The following MIX23 variants were observed in gnomAD, a reference collection of about 807,000 sequenced individuals.
MIX23 encodes the protein protein MIX23.
Under a neutral mutation model 21.6 loss-of-function variants are expected in MIX23, and 13 were observed. The observed-to-expected ratio is 0.60, with a 90% CI of 0.39 to 0.96. The LOEUF is 0.96. MIX23 is among the 40% of genes least tolerant of loss of function. The pLI is 0.00. For missense variants in MIX23, 144 were observed against 171.2 expected, an observed-to-expected ratio of 0.84 and a Z score of 0.89; for synonymous variants, 59 against 58.0, an observed-to-expected ratio of 1.02 and a Z score of -0.08.
chr3:122,370,542 A>G (rs1428872680), intron 2 of MIX23, among the ~76,000 whole-genome samples: 18 of 151,716 alleles, frequency 1.2e-4, no homozygotes, highest in Non-Finnish European at 8.8e-5. Flanking sequence ...CAGATGTGAG[A>G]TTAATCTAGA....
In MIX23 at chr3:122,362,487, GT is replaced by G. The variant is rs561330350; in HGVS notation, c.384+480del. ...GCTAATTTTGTTTTGTTTTGTTTTG[GT>G]TTTTTTTTTTGGAGATGGAGTCTCA... On this transcript the variant is annotated intron_variant, in intron 4 of 4. Coordinates refer to ENST00000291458, the MANE Select transcript of MIX23 (RefSeq NM_001017928.4). Among the ~76,000 whole-genome samples the G allele has an allele frequency of 4.9e-3, 707 of 144,930 alleles. 3 individuals carry two copies. Among genetic ancestry groups the G allele is most frequent in the Admixed American group, 8.9e-3 (130 of 14,538 alleles).
At chr3:122,368,687 C>T (rs2075416056) in intron 2 of MIX23, among the ~76,000 whole-genome samples, 1 of 152,202 alleles carries the variant, frequency 6.6e-6, no homozygotes, top group African/African-American at 2.4e-5. Context: ...ATTCTACAAC[C>T]ACCCGCACAC....
intron 1 of MIX23, among the ~76,000 whole-genome samples, chr3:122,380,342 C>G (rs936755977): frequency 6.6e-6 from 1 of 152,158 alleles, no homozygotes; most frequent in Non-Finnish European, 1.5e-5. Flanking sequence ...AAAGCTCCCA[C>G]GGTGCTTCCC....
chr3:122,371,892 TTTACAA>T, intron 1 of MIX23, 92 bp from the exon 2 acceptor site: 1 of 1,067,750 alleles, frequency 9.4e-7, no homozygotes, highest in Non-Finnish European at 1.3e-6. Flanking sequence ...TCTTGGATAT[TTTACAA>T]TCCTTTAAGT....
chr3:122,371,647 A>T, intron 2 of MIX23, 28 bp downstream of exon 2: 1 of 1,610,572 alleles, frequency 6.2e-7, no homozygotes, highest in Non-Finnish European at 8.5e-7. Context: ...GGCATGAAAG[A>T]AGCAAAAGAC....
In MIX23 at chr3:122,361,655, C is replaced by A. The variant is rs190585311; in HGVS notation, c.384+1313G>T. ...AAACTTCTGCACTTGTTTTTTCAAG[C>A]CAGATGTTTCATTGTACCCCTTCCC... On this transcript the variant is annotated intron_variant, in intron 4 of 4. Coordinates refer to ENST00000291458, the MANE Select transcript of MIX23 (RefSeq NM_001017928.4). 8.1e-4 allele frequency among the ~76,000 whole-genome samples: 123 copies of A among 152,184 alleles called. 1 individual carries two copies. The Middle Eastern group carries it at 0.01, about 13-fold the overall frequency.
intron 1 of MIX23, among the ~76,000 whole-genome samples, chr3:122,378,163 G>A (rs1034231826): frequency 2.0e-5 from 3 of 152,222 alleles, no homozygotes; most frequent in Non-Finnish European, 4.4e-5. Context: ...AGGAACTAGA[G>A]TAGGTGTCAA....
intron 1 of MIX23, among the ~76,000 whole-genome samples, chr3:122,379,285 A>G (rs1025580512): frequency 2.0e-5 from 3 of 152,358 alleles, no homozygotes; most frequent in East Asian, 1.9e-4. Flanking sequence ...AGAACAGTGA[A>G]TGTTCTGTCC....
At position 122,359,627 on chromosome 3, in the gene MIX23, A is replaced by AT. The variant is rs139441254; in HGVS notation, c.*241_*242insA. On this transcript the variant is annotated 3_prime_UTR_variant, in exon 5 of 5. Coordinates refer to ENST00000291458, the MANE Select transcript of MIX23 (RefSeq NM_001017928.4). ...AGAAAATTATTTTAATAGTTACAAA[A>AT]ATTTTTTTTTTTTTTTTTTACAGAA... 29,954 of 253,268 alleles carry AT rather than the reference A, an allele frequency of 0.12. 1,508 individuals are homozygous for AT. Among genetic ancestry groups the AT allele is most frequent in the East Asian group, 0.24 (3,323 of 13,884 alleles). 15.7% of individuals were successfully genotyped at this position (253,268 alleles called of 1,614,324 possible).
intron 1 of MIX23, among the ~76,000 whole-genome samples, chr3:122,380,014 G>C (rs1001010870): frequency 2.0e-5 from 3 of 152,150 alleles, no homozygotes; most frequent in African/African-American, 4.8e-5. Context: ...ATTTAGTAGT[G>C]GGAAGGGGTA....
At chr3:122,376,665 C>T (rs2075489524) in intron 1 of MIX23, among the ~76,000 whole-genome samples, 1 of 152,112 alleles carries the variant, frequency 6.6e-6, no homozygotes, top group South Asian at 2.1e-4. Flanking sequence ...ATGTCCTTTG[C>T]AGCAACATGG....
At position 122,359,627 on chromosome 3, in the gene MIX23, A is replaced by ATTTTTT. The variant is rs139441254; in HGVS notation, c.*241_*242insAAAAAA. On this transcript the variant is annotated 3_prime_UTR_variant, in exon 5 of 5. Transcript: ENST00000291458. Reference sequence around the variant, plus strand: ...AGAAAATTATTTTAATAGTTACAAAAATTTTTTTTTTTTTTTTTTACAGAA... The same window carrying ATTTTTT: ...AGAAAATTATTTTAATAGTTACAAAATTTTTTATTTTTTTTTTTTTTTTTTACAGAA... 3 of 254,488 alleles carry ATTTTTT rather than the reference A, an allele frequency of 1.2e-5. No individual in the cohort carries two copies. The highest frequency in any genetic ancestry group is 2.1e-5 in the Non-Finnish European group (3 of 140,182). The allele number at this position is 254,488 out of a possible 1,614,324, so 15.8% of individuals were successfully genotyped here. A position where few individuals can be genotyped will look rare whatever the true frequency, so the allele number is the denominator to read the frequency against.
intron 3 of MIX23, 117 bp downstream of exon 3, chr3:122,368,059 A>T: frequency 1.2e-6 from 1 of 837,576 alleles, no homozygotes; most frequent in Non-Finnish European, 1.9e-6. Context: ...TAATCTCTTG[A>T]TCATTTTTTT....
chr3:122,369,741 G>T (rs2075425721), intron 2 of MIX23, among the ~76,000 whole-genome samples: 1 of 152,116 alleles, frequency 6.6e-6, no homozygotes, highest in South Asian at 2.1e-4. Flanking sequence ...AAAAAAAAAT[G>T]ATAGCAGTAG....
At chr3:122,362,805 T>A (rs1273319770) in intron 4 of MIX23, among the ~76,000 whole-genome samples, 163 bp downstream of exon 4, 2 of 112,696 alleles carry the variant, frequency 1.8e-5, no homozygotes, top group Non-Finnish European at 3.6e-5. Flanking sequence ...CTCCCTACCC[T>A]CCCCCCAACC....
At chr3:122,375,546 T>C (rs2075478962) in intron 1 of MIX23, among the ~76,000 whole-genome samples, 1 of 152,192 alleles carries the variant, frequency 6.6e-6, no homozygotes, top group Admixed American at 6.5e-5. Context: ...GGATATGTGG[T>C]AGTAGCGAAC....
At position 122,362,964 on chromosome 3, in the gene MIX23, A is replaced by G; in HGVS notation, c.384+4T>C. 6.2e-7 allele frequency: 1 copy of G among 1,612,244 alleles called. No homozygotes were observed. Among genetic ancestry groups the G allele is most frequent in the South Asian group, 1.1e-5 (1 of 91,006 alleles). ...TCTTTCCAAACACCAACATTATTTT[A>G]TACCTTCCAGCTCCTGTCATTTACC... is the stretch of plus-strand genomic sequence containing the variant. On this transcript the variant is annotated splice_donor_region_variant and intron_variant, in intron 4 of 4. Transcript: ENST00000291458.
chr3:122,359,861 A>AAAAT lies in MIX23; in HGVS notation c.*7_*8insATTT. 1.3e-6 allele frequency: 2 copies of AAAAT among 1,488,604 alleles called. No individual in the cohort carries two copies. Among genetic ancestry groups the AAAAT allele is most frequent in the East Asian group, 2.4e-5 (1 of 41,898 alleles). 92.2% of individuals were successfully genotyped at this position (1,488,604 alleles called of 1,614,324 possible). A position where few individuals can be genotyped will look rare whatever the true frequency, so the allele number is the denominator to read the frequency against. On this transcript the variant is annotated 3_prime_UTR_variant, in exon 5 of 5. Transcript: ENST00000291458. The stretch of plus-strand genomic sequence containing the variant: ...AAAAAAAAAAAAAAAAAAAAAAAGA[A>AAAAT]TCTCTCTTTATTCATTCTTTGGAGG...
intron 3 of MIX23, among the ~76,000 whole-genome samples, chr3:122,366,927 G>A (rs529082396): frequency 3.8e-4 from 55 of 146,396 alleles, no homozygotes; most frequent in African/African-American, 1.3e-3. Context: ...GACAGAGTGA[G>A]ACCCCATCTC....
Sources: gnomAD v4.1 joint callset for allele counts (sites outside exome capture counted in the v4.1 genomes callset) on GRCh38, gnomAD v4.1.1 for gene constraint, MANE v1.5 for transcripts, NCBI Gene and HGNC (gene_info 2026-07-23, HGNC 2026-07-21) for gene names.